The following SNAP25 variants were observed in gnomAD, a reference collection of about 807,000 sequenced individuals.
SNAP25 encodes synaptosome associated protein 25.
In SNAP25, 3 loss-of-function variants were observed where a neutral mutation model predicts 28.7. The observed-to-expected ratio is 0.10, with a 90% CI of 0.05 to 0.27. SNAP25 has a LOEUF of 0.27. SNAP25 is among the 10% of genes least tolerant of loss of function. The pLI is 1.00. For synonymous variants in SNAP25, 61 were observed against 88.1 expected (o/e 0.69, Z 1.72); for missense variants, 117 against 278.7 (o/e 0.42, Z 4.13).
At chr20:10,282,012 G>A (rs926903823) in intron 3 of SNAP25, among the ~76,000 whole-genome samples, 1 of 152,178 alleles carries the variant, frequency 6.6e-6, no homozygotes, top group African/African-American at 2.4e-5. Flanking sequence ...ATGACTCCCA[G>A]ATCCTGGTTC....
intron 4 of SNAP25, among the ~76,000 whole-genome samples, chr20:10,291,058 TA>T (rs1421430703): frequency 2.6e-5 from 4 of 152,204 alleles, no homozygotes; most frequent in African/African-American, 7.2e-5. Flanking sequence ...TATAGCCTTT[TA>T]AAAATTTTTT....
chr20:10,258,589 A>C (rs2122869571), intron 1 of SNAP25, among the ~76,000 whole-genome samples: 1 of 152,348 alleles, frequency 6.6e-6, no homozygotes, highest in South Asian at 2.1e-4. Flanking sequence ...CCCTTTGCCC[A>C]CAAGGTCTAA....
At chr20:10,251,070 T>C (rs1210769196) in intron 1 of SNAP25, among the ~76,000 whole-genome samples, 1 of 152,192 alleles carries the variant, frequency 6.6e-6, no homozygotes, top group Non-Finnish European at 1.5e-5. Flanking sequence ...TATACTCCAA[T>C]TTAAGATCCC....
At chr20:10,271,722 G>T (rs963686701) in intron 1 of SNAP25, among the ~76,000 whole-genome samples, 1 of 152,180 alleles carries the variant, frequency 6.6e-6, no homozygotes, top group Non-Finnish European at 1.5e-5. Flanking sequence ...ATGTGTGAGA[G>T]AGAGGGAGAG....
At chr20:10,233,435 A>G (rs970927135) in intron 1 of SNAP25, among the ~76,000 whole-genome samples, 3 of 152,260 alleles carry the variant, frequency 2.0e-5, no homozygotes, top group East Asian at 1.9e-4. Flanking sequence ...CCTTGTCACA[A>G]ATTTTCTTGG....
At chr20:10,244,812 C>A (rs1351734378) in intron 1 of SNAP25, among the ~76,000 whole-genome samples, 1 of 151,090 alleles carries the variant, frequency 6.6e-6, no homozygotes, top group Non-Finnish European at 1.5e-5. Flanking sequence ...TTCCCTGCAA[C>A]CTCCACCTCC....
intron 2 of SNAP25, among the ~76,000 whole-genome samples, chr20:10,276,507 T>C (rs1021691770): frequency 6.6e-6 from 1 of 152,200 alleles, no homozygotes. Flanking sequence ...TATTTGAAAA[T>C]TATGATTCTC....
chr20:10,297,627 C>T (rs2064141923), intron 6 of SNAP25, among the ~76,000 whole-genome samples: 2 of 152,188 alleles, frequency 1.3e-5, no homozygotes, highest in South Asian at 4.1e-4. Context: ...TTATCAGAAC[C>T]CAGCAATAGT....
intron 1 of SNAP25, among the ~76,000 whole-genome samples, chr20:10,246,889 A>C (rs73256330): frequency 0.02 from 3,053 of 152,268 alleles, 101 homozygotes; most frequent in African/African-American, 0.07. Flanking sequence ...GCAATTTAGC[A>C]TAAAGGTTAA....
At chr20:10,292,887 C>G (rs774301046) in intron 4 of SNAP25, 1 of 1,601,912 alleles carries the variant, frequency 6.2e-7, no homozygotes, top group Non-Finnish European at 8.5e-7. Context: ...ACCAGAACAA[C>G]TCGATCGTGT....
intron 1 of SNAP25, among the ~76,000 whole-genome samples, chr20:10,228,940 T>C (rs1021533526): frequency 1.3e-5 from 2 of 152,174 alleles, no homozygotes; most frequent in African/African-American, 2.4e-5. Flanking sequence ...TGGGGAAATA[T>C]GTCAACAGCC....
At chr20:10,256,229 C>G (rs903679626) in intron 1 of SNAP25, among the ~76,000 whole-genome samples, 2 of 152,054 alleles carry the variant, frequency 1.3e-5, no homozygotes, top group African/African-American at 4.8e-5. Flanking sequence ...TAGTTGAAAC[C>G]TTCATGTGCA....
At position 10,282,681 on chromosome 20, in the gene SNAP25, G is replaced by A. The variant is rs115101516; in HGVS notation, c.115-2043G>A. Among the ~76,000 whole-genome samples, 518 of 152,286 alleles carry A rather than the reference G, an allele frequency of 3.4e-3. 2 individuals are homozygous for A. Among genetic ancestry groups the A allele is most frequent in the African/African-American group, 0.012 (504 of 41,556 alleles). On this transcript the variant is annotated intron_variant, in intron 3 of 7. Coordinates refer to ENST00000254976, the MANE Select transcript of SNAP25 (RefSeq NM_130811.4). ...TCCACTGTCCCCAGTAGAATGGAGC[G>A]AAGATTTCATGTGTGGCCTGATTGG... is the stretch of plus-strand genomic sequence containing the variant.
chr20:10,260,948 A>G (rs1463822401), intron 1 of SNAP25, among the ~76,000 whole-genome samples: 1 of 152,170 alleles, frequency 6.6e-6, no homozygotes, highest in Non-Finnish European at 1.5e-5. Context: ...ACTCTTTCAA[A>G]TGCTAACTGC....
intron 1 of SNAP25, among the ~76,000 whole-genome samples, chr20:10,268,118 A>G (rs996488121): frequency 6.6e-6 from 1 of 152,316 alleles, no homozygotes; most frequent in Admixed American, 6.5e-5. Flanking sequence ...GCCCTCCGTA[A>G]GTGTTAGTTA....
At chr20:10,281,785 T>A (rs140029286) in intron 3 of SNAP25, among the ~76,000 whole-genome samples, 110 of 152,332 alleles carry the variant, frequency 7.2e-4, no homozygotes, top group African/African-American at 2.3e-3. Flanking sequence ...GAGATTCTAC[T>A]CAATGTCTTA....
intron 3 of SNAP25, among the ~76,000 whole-genome samples, chr20:10,281,919 A>C (rs1037017770): frequency 3.3e-5 from 5 of 152,114 alleles, no homozygotes; most frequent in African/African-American, 4.8e-5. Flanking sequence ...TACTCTCCCC[A>C]TTTGACAGCT....
At chr20:10,285,651 C>A (rs545819586) in intron 4 of SNAP25, among the ~76,000 whole-genome samples, 7 of 151,910 alleles carry the variant, frequency 4.6e-5, no homozygotes, top group African/African-American at 1.7e-4. Context: ...ACACAGGAAA[C>A]CTTAAATAAA....
chr20:10,224,257 C>CTT (rs71332917), intron 1 of SNAP25, among the ~76,000 whole-genome samples: 549 of 17,364 alleles, frequency 0.032, 100 homozygotes, highest in South Asian at 0.042. Context: ...ATGTACATGT[C>CTT]TTTTTTTTTT....
Sources: gnomAD v4.1 joint callset for allele counts (sites outside exome capture counted in the v4.1 genomes callset) on GRCh38, gnomAD v4.1.1 for gene constraint, MANE v1.5 for transcripts, NCBI Gene and HGNC (gene_info 2026-07-23, HGNC 2026-07-21) for gene names.